Variants in PLCE1 observed in about 807,000 individuals in gnomAD.
The protein encoded by PLCE1 is 1-phosphatidylinositol 4,5-bisphosphate phosphodiesterase epsilon-1.
Under a neutral mutation model 242.8 loss-of-function variants are expected in PLCE1, and 119 were observed. The observed-to-expected ratio is 0.49, with a 90% confidence interval of 0.42 to 0.57. The LOEUF is 0.57. Ranked by LOEUF, PLCE1 falls within the 20% of genes least tolerant of loss-of-function variation. The probability of loss-of-function intolerance (pLI) is 0.00; values close to 1 mark genes in which losing one functional copy is unlikely to be tolerated. For missense variants in PLCE1, 2,441 were observed against 2,788.8 expected (o/e 0.88, Z 2.81); for synonymous variants, 945 against 1,017.4 (o/e 0.93, Z 1.35).
chr10:94,296,436 C>T (rs767637010), intron 23 of PLCE1, among the ~76,000 whole-genome samples: 2 of 151,838 alleles, frequency 1.3e-5, no homozygotes, highest in African/African-American at 2.4e-5. Flanking sequence ...CTAGAACTTA[C>T]GAATAACTTA....
intron 18 of PLCE1, 61 bp downstream of exon 18, chr10:94,270,663 G>T: frequency 9.7e-7 from 1 of 1,035,058 alleles, no homozygotes; most frequent in East Asian, 2.4e-5. Context: ...TTGTCATTGG[G>T]TTGTTTTGTT....
At chr10:94,153,082 A>T (rs2047322347) in intron 3 of PLCE1, among the ~76,000 whole-genome samples, 2 of 152,304 alleles carry the variant, frequency 1.3e-5, no homozygotes, top group East Asian at 3.9e-4. Context: ...ATTGTTTATG[A>T]TATGAAGTCA....
chr10:94,072,395 G>A (rs1344159794), intron 2 of PLCE1, among the ~76,000 whole-genome samples: 2 of 151,920 alleles, frequency 1.3e-5, no homozygotes, highest in Non-Finnish European at 2.9e-5. Flanking sequence ...TCCTGCATCA[G>A]CCTCCTGAGC....
chr10:94,125,086 G>A (rs1590075295), intron 2 of PLCE1, among the ~76,000 whole-genome samples: 1 of 152,164 alleles, frequency 6.6e-6, no homozygotes, highest in Admixed American at 6.5e-5. Flanking sequence ...ACATAGAATT[G>A]AGAAATTCAC....
chr10:94,019,465 C>A (rs2061337460), intron 1 of PLCE1, among the ~76,000 whole-genome samples: 1 of 152,186 alleles, frequency 6.6e-6, no homozygotes, highest in Non-Finnish European at 1.5e-5. Flanking sequence ...GTCCACCCTC[C>A]CCATCACCCA....
intron 2 of PLCE1, among the ~76,000 whole-genome samples, chr10:94,110,069 T>TTTTTTTTTTTTTTTTTG: frequency 8.5e-6 from 1 of 118,030 alleles, no homozygotes; most frequent in Non-Finnish European, 1.8e-5. Context: ...TTTTTTTTTT[T>TTTTTTTTTTTTTTTTTG]TTTTTTTTTT....
chr10:94,246,472 A>G lies in PLCE1; in HGVS notation c.2947A>G (p.Asn983Asp). 1 of 1,614,240 alleles carries G rather than the reference A, an allele frequency of 6.2e-7. No individual in the cohort carries two copies. Among genetic ancestry groups the G allele is most frequent in the Non-Finnish European group, 8.5e-7 (1 of 1,180,024 alleles). ...GCTCTATGGGCTTCAGACCACAGAC[A>G]ACAGATTATTGCACTTCGTGGCACC... is the stretch of plus-strand genomic sequence containing the variant. ...TLLYGLQTTD[N>D]RLLHFVAPKH... Residue 983 changes from asparagine (N) to aspartate (D), a missense_variant, in exon 8 of 33, where the codon AAC becomes GAC. Asn to Asp is a conservative substitution (Grantham distance 23). Transcript: ENST00000371380.
intron 4 of PLCE1, among the ~76,000 whole-genome samples, chr10:94,220,376 T>TTATATATATATATATATATATA (rs59633337): frequency 1.3e-4 from 8 of 61,906 alleles, no homozygotes; most frequent in African/African-American, 1.9e-4. Flanking sequence ...ACTAAACATT[T>TTATATATATATATATATATATA]TATATATATA....
At position 94,269,051 on chromosome 10, in the gene PLCE1, C is replaced by T; in HGVS notation, c.4389+15C>T. 2 of 1,072,064 alleles carry T rather than the reference C, an allele frequency of 1.9e-6. No homozygotes were observed. The highest frequency in any genetic ancestry group is 2.8e-6 in the Non-Finnish European group (2 of 706,796). 66.4% of individuals were successfully genotyped at this position (1,072,064 alleles called of 1,614,324 possible). On this transcript the variant is annotated intron_variant, in intron 17 of 32. Transcript: ENST00000371380. ...TCCCCTTCAAGGTAATCCTTCATAA[C>T]TTTCTTTAAATCAAATCACAAAGAG...
intron 28 of PLCE1, among the ~76,000 whole-genome samples, chr10:94,315,911 C>T (rs2053556916): frequency 1.4e-5 from 2 of 147,594 alleles, no homozygotes; most frequent in Non-Finnish European, 3.0e-5. Context: ...GGAAAACAGT[C>T]TCCAAGGGAT....
At chr10:94,253,356 C>T (rs550744681) in intron 9 of PLCE1, among the ~76,000 whole-genome samples, 1 of 151,354 alleles carries the variant, frequency 6.6e-6, no homozygotes, top group African/African-American at 2.4e-5. Context: ...GTGCCACACA[C>T]TTTTTTTTTC....
chr10:94,265,589 C>A, intron 14 of PLCE1, 58 bp from the exon 15 acceptor site: 1 of 1,399,092 alleles, frequency 7.1e-7, no homozygotes, highest in South Asian at 1.2e-5. Context: ...GTGGTGGTTT[C>A]TTTCCCCCTC....
chr10:94,046,065 T>C (rs1389737500), intron 2 of PLCE1, among the ~76,000 whole-genome samples: 1 of 152,226 alleles, frequency 6.6e-6, no homozygotes, highest in Non-Finnish European at 1.5e-5. Context: ...GATCCTGTCT[T>C]CATTTCTTTA....
At chr10:94,034,296 G>A (rs2061622893) in intron 2 of PLCE1, among the ~76,000 whole-genome samples, 1 of 152,126 alleles carries the variant, frequency 6.6e-6, no homozygotes, top group Admixed American at 6.5e-5. Flanking sequence ...TCATCAATCA[G>A]GGTAGCTAAC....
chr10:94,082,295 T>C (rs1012435538), intron 2 of PLCE1: 9 of 152,208 alleles, frequency 5.9e-5, no homozygotes, highest in African/African-American at 2.2e-4. Context: ...CTTAGTGTCA[T>C]TGGCTAGAGT....
chr10:94,205,120 G>A (rs2049116412), intron 4 of PLCE1, among the ~76,000 whole-genome samples: 1 of 152,162 alleles, frequency 6.6e-6, no homozygotes, highest in Admixed American at 6.5e-5. Context: ...AGTATGACAT[G>A]CTACAGACAG....
intron 4 of PLCE1, among the ~76,000 whole-genome samples, chr10:94,181,258 G>A (rs1042999187): frequency 1.3e-5 from 2 of 152,120 alleles, no homozygotes; most frequent in African/African-American, 4.8e-5. Flanking sequence ...GCAAGGTGGG[G>A]CCCAGGCATT....
At chr10:94,105,795 C>T (rs1434396021) in intron 2 of PLCE1, 1 of 152,222 alleles carries the variant, frequency 6.6e-6, no homozygotes, top group Non-Finnish European at 1.5e-5. Flanking sequence ...ATTTTGCTCG[C>T]TTCCTCCCTT....
intron 3 of PLCE1, among the ~76,000 whole-genome samples, chr10:94,133,617 C>G (rs1263121120): frequency 6.6e-6 from 1 of 152,200 alleles, no homozygotes; most frequent in Admixed American, 6.5e-5. Context: ...CACACACACC[C>G]CTAGACAGGC....
Sources: allele counts gnomAD v4.1 joint callset (sites outside exome capture counted in the v4.1 genomes callset), GRCh38; gene constraint gnomAD v4.1.1; transcripts MANE v1.5; gene names NCBI Gene and HGNC (gene_info 2026-07-23, HGNC 2026-07-21).